The following FBXO11 variants were observed in gnomAD, a reference collection of about 807,000 sequenced individuals.
FBXO11 encodes the protein F-box protein 11, also known as F-box only protein 11.
FBXO11 carries 13 observed loss-of-function variants against 117.0 expected under a neutral mutation model. That is an observed-to-expected ratio of 0.11 (90% confidence interval 0.07 to 0.18). FBXO11 has a LOEUF of 0.18. FBXO11 is among the 10% of genes least tolerant of loss of function. The pLI, the probability that FBXO11 is intolerant of heterozygous loss-of-function variation, is 1.00. For missense variants in FBXO11, 767 were observed against 1,164.4 expected (o/e 0.66, Z 4.97); for synonymous variants, 490 against 380.5 (o/e 1.29, Z -3.35).
rs113012789 is a variant in FBXO11 at position 47,834,472 on chromosome 2, CCAG to C, written c.934+104_934+106del. On this transcript the variant is annotated intron_variant, in intron 7 of 22. Coordinates refer to ENST00000403359, the MANE Select transcript of FBXO11 (RefSeq NM_001190274.2). ...GTGTGATATCTTCATTCCTACTTTA[CCAG>C]CAGGATATTATAAAACTGGATTTTA... is the stretch of plus-strand genomic sequence containing the variant. 3.5e-3 allele frequency: 2,740 copies of C among 772,492 alleles called. 44 individuals are homozygous for C. In the African/African-American group the frequency reaches 0.041, roughly 11 times the overall value. The allele number at this position is 772,492 out of a possible 1,614,324, so 47.9% of individuals were successfully genotyped here. A position where few individuals can be genotyped will look rare whatever the true frequency, so the allele number is the denominator to read the frequency against.
intron 5 of FBXO11, among the ~76,000 whole-genome samples, chr2:47,835,621 C>T (rs546543472): frequency 7.2e-5 from 11 of 152,144 alleles, no homozygotes; most frequent in African/African-American, 2.4e-4. Context: ...CCTTAGCCTC[C>T]GAAGTAGCTG....
chr2:47,816,166 C>G (rs1053706313), intron 16 of FBXO11, among the ~76,000 whole-genome samples: 1 of 152,072 alleles, frequency 6.6e-6, no homozygotes, highest in South Asian at 2.1e-4. Flanking sequence ...CAGGGCATAA[C>G]TGCAATTTTT....
chr2:47,818,307 A>G (rs540126742), intron 16 of FBXO11: 2 of 153,330 alleles, frequency 1.3e-5, no homozygotes, highest in East Asian at 3.8e-4. Context: ...AATGAACTGT[A>G]AAGTGTAATA....
chr2:47,886,781 GGTTT>G (rs1676885268), intron 1 of FBXO11, among the ~76,000 whole-genome samples: 1 of 151,936 alleles, frequency 6.6e-6, no homozygotes, highest in Non-Finnish European at 1.5e-5. Flanking sequence ...CACACAGTAC[GGTTT>G]GTTTTTAATG....
At chr2:47,857,016 A>C (rs1036042028) in intron 1 of FBXO11, among the ~76,000 whole-genome samples, 4 of 152,228 alleles carry the variant, frequency 2.6e-5, no homozygotes, top group Non-Finnish European at 4.4e-5. Flanking sequence ...TAAATGTGAT[A>C]ATGGGATAAA....
intron 3 of FBXO11, among the ~76,000 whole-genome samples, 163 bp from the exon 4 acceptor site, chr2:47,839,166 G>A (rs1440499981): frequency 6.6e-6 from 1 of 150,476 alleles, no homozygotes; most frequent in Admixed American, 6.6e-5. Flanking sequence ...TCTCTATCCT[G>A]AACTAACAAA....
At chr2:47,887,947 G>T (rs560895588) in intron 1 of FBXO11, among the ~76,000 whole-genome samples, 19 of 152,208 alleles carry the variant, frequency 1.2e-4, no homozygotes, top group African/African-American at 4.3e-4. Flanking sequence ...GAGCCTAGCA[G>T]TTCGAGGCTG....
At chr2:47,823,645 T>TG (rs1198782855) in intron 11 of FBXO11, among the ~76,000 whole-genome samples, 4 of 151,658 alleles carry the variant, frequency 2.6e-5, no homozygotes, top group Admixed American at 1.3e-4. Context: ...CCCAGGTACT[T>TG]GGGAGGCTGA....
chr2:47,858,376 G>A (rs984824642), intron 1 of FBXO11, among the ~76,000 whole-genome samples: 4 of 150,818 alleles, frequency 2.7e-5, no homozygotes, highest in Non-Finnish European at 4.4e-5. Context: ...TAAAGCATGA[G>A]TACTTAATGA....
At chr2:47,826,725 C>T (rs1671781638) in intron 11 of FBXO11, among the ~76,000 whole-genome samples, 1 of 152,116 alleles carries the variant, frequency 6.6e-6, no homozygotes, top group Non-Finnish European at 1.5e-5. Flanking sequence ...CTAGTGACAA[C>T]TCTATCCTAA....
At chr2:47,859,041 CA>C (rs11337552) in intron 1 of FBXO11, among the ~76,000 whole-genome samples, 74,027 of 102,984 alleles carry the variant, frequency 0.72, 24,481 homozygotes, top group East Asian at 0.88. Context: ...ACTCTGTCTC[CA>C]AAAAAAAAAA....
At chr2:47,894,206 CCTATACA>C (rs1340823423) in intron 1 of FBXO11, among the ~76,000 whole-genome samples, 1 of 152,114 alleles carries the variant, frequency 6.6e-6, no homozygotes, top group Non-Finnish European at 1.5e-5. Context: ...TCACCTTCCT[CCTATACA>C]CCAGGAACGG....
intron 1 of FBXO11, among the ~76,000 whole-genome samples, chr2:47,866,937 T>G (rs1371149123): frequency 6.6e-6 from 1 of 152,208 alleles, no homozygotes; most frequent in Non-Finnish European, 1.5e-5. Flanking sequence ...CAAAATGTTT[T>G]GTGTTCTCTG....
In FBXO11 at chr2:47,905,664, C is replaced by A. The variant is rs1455672860; in HGVS notation, c.57G>T (p.Pro19=). The change falls in exon 1 of 23, where the codon CCG becomes CCT. Residue 19 remains proline, a synonymous_variant. Coordinates refer to ENST00000403359, the MANE Select transcript of FBXO11 (RefSeq NM_001190274.2). The part of the protein sequence containing the change: ...RRPRRVSRPR[P]VQQQQQQPPQ... ...GGGGCTGCTGCTGCTGTTGCTGCAC[C>A]GGGCGCGGCCGCGACACTCGCCTGG... 1.3e-6 allele frequency: 2 copies of A among 1,499,282 alleles called. No individual in the cohort carries two copies. Among genetic ancestry groups the A allele is most frequent in the Non-Finnish European group, 8.9e-7 (1 of 1,126,208 alleles). The allele number at this position is 1,499,282 out of a possible 1,614,324, so 92.9% of individuals were successfully genotyped here.
chr2:47,824,618 CAT>C (rs142948367), intron 11 of FBXO11, among the ~76,000 whole-genome samples: 51 of 152,224 alleles, frequency 3.4e-4, no homozygotes, highest in African/African-American at 1.2e-3. Flanking sequence ...TCATCCTACA[CAT>C]GTTAAATGAA....
At chr2:47,882,878 A>C (rs1676538310) in intron 1 of FBXO11, among the ~76,000 whole-genome samples, 1 of 152,016 alleles carries the variant, frequency 6.6e-6, no homozygotes, top group Non-Finnish European at 1.5e-5. Flanking sequence ...CAAACTCCTG[A>C]GCTCAAGCGA....
At chr2:47,901,985 G>C (rs1055053594) in intron 1 of FBXO11, among the ~76,000 whole-genome samples, 3 of 152,238 alleles carry the variant, frequency 2.0e-5, no homozygotes, top group African/African-American at 7.2e-5. Flanking sequence ...ACCTGGGCTG[G>C]AGTGCAATGG....
In FBXO11 at chr2:47,876,163, A is replaced by G. The variant is rs533143950; in HGVS notation, c.232+29326T>C. Among the ~76,000 whole-genome samples the G allele has an allele frequency of 2.6e-5, 4 of 152,290 alleles. No homozygotes were observed. The East Asian group carries it at 7.7e-4, about 29-fold the overall frequency. On this transcript the variant is annotated intron_variant, in intron 1 of 22. Coordinates refer to ENST00000403359, the MANE Select transcript of FBXO11 (RefSeq NM_001190274.2). ...ACAAAATAGCTATTTAGTTTTGGTAAAATACCCTGAAGTTGGTCAGTGTCT... is the reference window on the plus strand; with the variant it reads ...ACAAAATAGCTATTTAGTTTTGGTAGAATACCCTGAAGTTGGTCAGTGTCT...
At chr2:47,829,315 A>G (rs1372287534) in intron 11 of FBXO11, among the ~76,000 whole-genome samples, 1 of 152,098 alleles carries the variant, frequency 6.6e-6, no homozygotes, top group Non-Finnish European at 1.5e-5. Context: ...ATCTCGGCTC[A>G]CTGCAACCTC....
Sources: gnomAD v4.1 joint callset for allele counts (sites outside exome capture counted in the v4.1 genomes callset) on GRCh38, gnomAD v4.1.1 for gene constraint, MANE v1.5 for transcripts, NCBI Gene and HGNC (gene_info 2026-07-23, HGNC 2026-07-21) for gene names.